Variants in UBR1 observed in about 807,000 individuals in gnomAD.
The protein encoded by UBR1 is E3 ubiquitin-protein ligase UBR1.
In UBR1, 102 loss-of-function variants were observed where a neutral mutation model predicts 242.1. The observed-to-expected ratio is 0.42, with a 90% CI of 0.36 to 0.50. The LOEUF is 0.50. Among genes scored for constraint, UBR1 ranks in the 20% least tolerant of loss-of-function variants. UBR1 has a pLI of 0.01. For synonymous variants in UBR1, 675 were observed against 684.8 expected (o/e 0.99, Z 0.22); for missense variants, 1,772 against 2,101.8 (o/e 0.84, Z 3.07).
chr15:43,093,039 A>G (rs1274405250), intron 1 of UBR1, among the ~76,000 whole-genome samples: 1 of 149,760 alleles, frequency 6.7e-6, no homozygotes, highest in Non-Finnish European at 1.5e-5. Flanking sequence ...CAAGTCCAGG[A>G]AAAAAAAAAT....
intron 40 of UBR1, among the ~76,000 whole-genome samples, chr15:42,969,555 A>G (rs1036748336): frequency 1.3e-5 from 2 of 152,018 alleles, no homozygotes; most frequent in Admixed American, 6.6e-5. Flanking sequence ...CTTTTGTTGC[A>G]ATTGCTTTTG....
At chr15:43,044,460 CAGAAGGGAGACATTAA>C (rs1390040409) in intron 14 of UBR1, among the ~76,000 whole-genome samples, 1 of 152,114 alleles carries the variant, frequency 6.6e-6, no homozygotes, top group African/African-American at 2.4e-5. Flanking sequence ...TGGGTGAATA[CAGAAGGGAGACATTAA>C]AGACCATTCT....
At chr15:43,048,370 A>G (rs1010556176) in intron 13 of UBR1, 22 bp downstream of exon 13, 1 of 1,567,474 alleles carries the variant, frequency 6.4e-7, no homozygotes, top group Non-Finnish European at 8.8e-7. Context: ...TCTTTTACTG[A>G]TGTACAGAAA....
At chr15:43,032,894 T>G (rs978706891) in intron 19 of UBR1, among the ~76,000 whole-genome samples, 1 of 152,194 alleles carries the variant, frequency 6.6e-6, no homozygotes, top group African/African-American at 2.4e-5. Context: ...TAAGCACACA[T>G]GCTAATCTTC....
chr15:43,047,286 T>C lies in UBR1; in HGVS notation c.1543A>G (p.Met515Val), dbSNP rs375176883. The C allele has an allele frequency of 1.9e-6, 3 of 1,613,972 alleles. No homozygotes were observed. Among genetic ancestry groups the C allele is most frequent in the Non-Finnish European group, 2.5e-6 (3 of 1,179,980 alleles). The change falls in exon 14 of 47, where the codon ATG becomes GTG. Residue 515 changes from methionine to valine, a missense_variant. Physicochemically the swap from Met to Val is conservative, Grantham distance 21. This residue lies in a region of UBR1 where 734 missense variants were observed against 893.3 expected (regional missense o/e 0.82). Coordinates refer to ENST00000290650, the MANE Select transcript of UBR1 (RefSeq NM_174916.3). ...FLKILTCMQG[M>V]EEIRRQVGQH... The stretch of plus-strand genomic sequence containing the variant: ...CCAACCTGTCTTCGGATTTCTTCCA[T>C]TCCCTGCAATTACAAGTTGGTCAAC...
In UBR1 at chr15:43,003,926, G is replaced by A. The variant is rs199757621; in HGVS notation, c.3420C>T (p.Ala1140=). 113 of 1,613,966 alleles carry A rather than the reference G, an allele frequency of 7.0e-5. No homozygotes were observed. Among genetic ancestry groups the A allele is most frequent in the Admixed American group, 6.2e-4 (37 of 60,020 alleles). ...CTGGATCCATGAAAAGTGGGTCTAG[G>A]GCTTCTGGTACAAGGTATAAAAAGG... is the stretch of plus-strand genomic sequence containing the variant. ...RGKPIELSGE[A]LDPLFMDPDL... The change falls in exon 31 of 47, where the codon GCC becomes GCT. Residue 1140 remains alanine, a synonymous_variant. Transcript: ENST00000290650.
chr15:43,048,297 T>C (rs1276530409), intron 13 of UBR1, 95 bp downstream of exon 13: 2 of 902,066 alleles, frequency 2.2e-6, no homozygotes, highest in Admixed American at 2.3e-5. Flanking sequence ...AGATAAATTC[T>C]TTCTTGTATT....
chr15:43,093,050 A>G (rs2034121651), intron 1 of UBR1, among the ~76,000 whole-genome samples: 1 of 152,192 alleles, frequency 6.6e-6, no homozygotes, highest in African/African-American at 2.4e-5. Context: ...AAAAAAAAAT[A>G]ACTGTTTGAA....
intron 10 of UBR1, among the ~76,000 whole-genome samples, chr15:43,057,917 T>C (rs2033637923): frequency 6.6e-6 from 1 of 152,034 alleles, no homozygotes; most frequent in African/African-American, 2.4e-5. Flanking sequence ...CGAACTTTTT[T>C]TTTTTTTTTG....
At chr15:43,099,062 C>T (rs2034194715) in intron 1 of UBR1, among the ~76,000 whole-genome samples, 1 of 152,134 alleles carries the variant, frequency 6.6e-6, no homozygotes, top group African/African-American at 2.4e-5. Context: ...ATAGCCCAGG[C>T]ACGGTGGCTC....
At chr15:43,016,901 A>G (rs186061691) in intron 28 of UBR1, among the ~76,000 whole-genome samples, 194 bp downstream of exon 28, 1 of 152,366 alleles carries the variant, frequency 6.6e-6, no homozygotes, top group African/African-American at 2.4e-5. Context: ...GCAAAATACA[A>G]AAATTATACT....
rs1567113548 is a variant in UBR1 at position 42,976,856 on chromosome 15, C to G, written c.4230G>C (p.Val1410=). 1 of 1,613,662 alleles carries G rather than the reference C, an allele frequency of 6.2e-7. No individual in the cohort carries two copies. Among genetic ancestry groups the G allele is most frequent in the Non-Finnish European group, 8.5e-7 (1 of 1,179,756 alleles). The part of the protein sequence containing the change: ...IDLFHVLVGA[V]LAFPSLYWDD... ...CCCAATACAAGGATGGGAATGCTAA[C>G]ACAGCACCCACCTATGAGAGAAAAA... Residue 1410 remains valine (V), a synonymous_variant, in exon 39 of 47, where the codon GTG becomes GTC. Coordinates refer to ENST00000290650, the MANE Select transcript of UBR1 (RefSeq NM_174916.3).
intron 1 of UBR1, among the ~76,000 whole-genome samples, chr15:43,101,753 G>A (rs560080620): frequency 6.6e-5 from 10 of 151,994 alleles, no homozygotes; most frequent in African/African-American, 2.4e-4. Flanking sequence ...GCTTGCCTGA[G>A]GTCAGGAGTT....
chr15:43,015,927 C>T, intron 28 of UBR1, 58 bp from the exon 29 acceptor site: 2 of 1,525,566 alleles, frequency 1.3e-6, no homozygotes, highest in South Asian at 1.1e-5. Context: ...TTTATATACG[C>T]TGTTTGGATG....
intron 29 of UBR1, among the ~76,000 whole-genome samples, chr15:43,012,512 A>G (rs922161597): frequency 2.0e-5 from 3 of 152,252 alleles, no homozygotes; most frequent in African/African-American, 7.2e-5. Flanking sequence ...ATTGCTTTCA[A>G]TAAGAACACA....
chr15:42,990,909 A>G (rs564650027), intron 33 of UBR1, among the ~76,000 whole-genome samples: 4 of 151,296 alleles, frequency 2.6e-5, no homozygotes, highest in Non-Finnish European at 5.9e-5. Context: ...TTCAAATGCT[A>G]TTTCCCGACA....
intron 15 of UBR1, among the ~76,000 whole-genome samples, chr15:43,040,080 C>A (rs538754542): frequency 2.8e-4 from 43 of 152,224 alleles, no homozygotes; most frequent in African/African-American, 8.4e-4. Flanking sequence ...ACTTTCTTCA[C>A]AGAATGGGAA....
chr15:43,015,886 G>T lies in UBR1; in HGVS notation c.3028-17C>A. On this transcript the variant is annotated splice_polypyrimidine_tract_variant and intron_variant, in intron 28 of 46. Coordinates refer to ENST00000290650, the MANE Select transcript of UBR1 (RefSeq NM_174916.3). ...ATGAGTAATCTGGGTATTAAGAAATGACAAATTTAGGTAAGATCCACTGTT... is the reference window on the plus strand; with the variant it reads ...ATGAGTAATCTGGGTATTAAGAAATTACAAATTTAGGTAAGATCCACTGTT... 2 of 1,611,538 alleles carry T rather than the reference G, an allele frequency of 1.2e-6. No homozygotes were observed. The highest frequency in any genetic ancestry group is 1.1e-5 in the South Asian group (1 of 90,940).
At chr15:42,957,252 G>A (rs1455351470) in intron 44 of UBR1, among the ~76,000 whole-genome samples, 2 of 152,090 alleles carry the variant, frequency 1.3e-5, no homozygotes, top group East Asian at 1.9e-4. Flanking sequence ...GACATGCTAA[G>A]TGAAAGAAGC....
Sources: allele counts gnomAD v4.1 joint callset (sites outside exome capture counted in the v4.1 genomes callset), GRCh38; gene constraint gnomAD v4.1.1; regional missense constraint gnomAD v4.1.1; transcripts MANE v1.5; gene names NCBI Gene and HGNC (gene_info 2026-07-23, HGNC 2026-07-21).